CC2D2A: variants seen among roughly 807,000 people sequenced by gnomAD.
The protein encoded by CC2D2A is coiled-coil and C2 domain containing 2A.
CC2D2A carries 155 observed loss-of-function variants against 212.9 expected under a neutral mutation model. The ratio of observed to expected loss-of-function variants is 0.73; its 90% CI spans 0.64 to 0.83. The LOEUF is 0.83. Among genes scored for constraint, CC2D2A ranks in the 40% least tolerant of loss-of-function variants. The pLI is 0.00. For synonymous variants in CC2D2A, 667 were observed against 686.5 expected (o/e 0.97, Z 0.44); for missense variants, 1,856 against 1,956.2 (o/e 0.95, Z 0.97).
In CC2D2A at chr4:15,587,797, T is replaced by G; in HGVS notation, c.4066-19T>G. ...AAAGCATTGAGTCATACAACATAAT[T>G]TTTTTTTCTTTTTGTCAGCAATTTC... On this transcript the variant is annotated intron_variant, in intron 31 of 36. Coordinates refer to ENST00000424120, the MANE Select transcript of CC2D2A (RefSeq NM_001378615.1). 1 of 1,360,152 alleles carries G rather than the reference T, an allele frequency of 7.4e-7. No homozygotes were observed. Among genetic ancestry groups the G allele is most frequent in the Non-Finnish European group, 1.1e-6 (1 of 950,960 alleles). The allele number at this position is 1,360,152 out of a possible 1,614,324, so 84.3% of individuals were successfully genotyped here. A position where few individuals can be genotyped will look rare whatever the true frequency, so the allele number is the denominator to read the frequency against.
intron 32 of CC2D2A, 136 bp from the exon 33 acceptor site, chr4:15,589,409 A>G: frequency 1.2e-6 from 1 of 832,980 alleles, no homozygotes; most frequent in East Asian, 2.6e-5. Flanking sequence ...TAGAACTTCA[A>G]AGTAGTTTTC....
At chr4:15,473,268 G>A (rs527259757) in intron 1 of CC2D2A, 1 of 152,184 alleles carries the variant, frequency 6.6e-6, no homozygotes, top group African/African-American at 2.4e-5. Context: ...AAGTATGTAT[G>A]TTGAGTGGTA....
At chr4:15,496,855 A>G (rs1000767738) in intron 4 of CC2D2A, among the ~76,000 whole-genome samples, 3 of 152,212 alleles carry the variant, frequency 2.0e-5, no homozygotes, top group Non-Finnish European at 2.9e-5. Flanking sequence ...ACAGCTAACC[A>G]GGAAGGTAAA....
chr4:15,576,237 A>G (rs567743191), intron 29 of CC2D2A: 1 of 192,936 alleles, frequency 5.2e-6, no homozygotes, highest in Non-Finnish European at 9.5e-6. Flanking sequence ...CAGAACCCTT[A>G]TGTCCAAAAG....
intron 30 of CC2D2A, among the ~76,000 whole-genome samples, chr4:15,585,269 T>G (rs1354855351): frequency 6.6e-6 from 1 of 152,004 alleles, no homozygotes; most frequent in Non-Finnish European, 1.5e-5. Flanking sequence ...GATGAATGAA[T>G]AAAGAAAATG....
intron 21 of CC2D2A, among the ~76,000 whole-genome samples, chr4:15,558,719 G>C (rs186491788): frequency 5.3e-5 from 8 of 152,182 alleles, no homozygotes; most frequent in Admixed American, 5.2e-4. Context: ...TGACAGAAAA[G>C]GGGAGAGGCC....
At chr4:15,480,617 C>A in intron 3 of CC2D2A, 87 bp from the exon 4 acceptor site, 1 of 1,441,898 alleles carries the variant, frequency 6.9e-7, no homozygotes, top group Non-Finnish European at 9.3e-7. Context: ...AAGGCCTGTC[C>A]CCTCACTGGT....
In CC2D2A at chr4:15,555,190, C is replaced by A. The variant is rs772863864; in HGVS notation, c.2605C>A (p.Pro869Thr). The A allele has an allele frequency of 1.2e-6, 2 of 1,613,710 alleles. No homozygotes were observed. The highest frequency in any genetic ancestry group is 3.3e-5 in the Admixed American group (2 of 59,978). The change falls in exon 20 of 37, where the codon CCT becomes ACT. Residue 869 changes from proline to threonine, a missense_variant. Around this residue, in one of 5 missense-constraint regions of CC2D2A, gnomAD observed 1,512 missense variants for 1,579.3 expected, o/e 0.96. Transcript: ENST00000424120. The stretch of plus-strand genomic sequence containing the variant: ...CGACCCAAATGACCCCAACAATGCC[C>A]CTTTGATGCAGCTTATCTCGGTATG... ...KLDPNDPNNA[P>T]LMQLISVATS...
chr4:15,599,039 G>A (rs377450478), intron 35 of CC2D2A, among the ~76,000 whole-genome samples: 4 of 152,034 alleles, frequency 2.6e-5, no homozygotes, highest in Admixed American at 2.0e-4. Context: ...GCATGCACCT[G>A]TGGTCCCAGC....
chr4:15,593,311 A>C (rs1031688124), intron 33 of CC2D2A, among the ~76,000 whole-genome samples: 1 of 152,116 alleles, frequency 6.6e-6, no homozygotes, highest in Non-Finnish European at 1.5e-5. Context: ...CAATTTTCTG[A>C]TTTGGATTCC....
intron 1 of CC2D2A, 125 bp from the exon 2 acceptor site, chr4:15,475,790 G>A: frequency 1.3e-6 from 1 of 759,596 alleles, no homozygotes; most frequent in Non-Finnish European, 2.3e-6. Context: ...TTCCTGGTGA[G>A]TGGAAAGTCT....
chr4:15,586,300 TA>T, intron 31 of CC2D2A, 54 bp downstream of exon 31: 4 of 1,093,656 alleles, frequency 3.7e-6, no homozygotes, highest in Non-Finnish European at 5.2e-6. Flanking sequence ...AATGAAATAT[TA>T]GCTAACTGAC....
intron 29 of CC2D2A, among the ~76,000 whole-genome samples, chr4:15,578,958 A>G (rs779167772): frequency 2.0e-5 from 3 of 152,160 alleles, no homozygotes; most frequent in Non-Finnish European, 2.9e-5. Flanking sequence ...ATTAATTTTT[A>G]AAATAAAATT....
At position 15,560,121 on chromosome 4, in the gene CC2D2A, C is replaced by T. The variant is rs1246530786; in HGVS notation, c.2923-410C>T. 2.0e-5 allele frequency among the ~76,000 whole-genome samples: 3 copies of T among 152,100 alleles called. No homozygotes were observed. In the East Asian group the frequency reaches 5.8e-4, roughly 29 times the overall value. On this transcript the variant is annotated intron_variant, in intron 22 of 36. Transcript: ENST00000424120. ...TGCTGGGATTACAGGCATGAGCCAC[C>T]GCGCCCAGCCAGAGGTCCTCTGGAA...
chr4:15,574,358 A>G, intron 29 of CC2D2A, 32 bp downstream of exon 29: 1 of 1,488,760 alleles, frequency 6.7e-7, no homozygotes, highest in Non-Finnish European at 9.0e-7. Flanking sequence ...ACCCATGTCT[A>G]TGTTGATAAA....
chr4:15,489,129 C>T (rs967665260), intron 4 of CC2D2A, among the ~76,000 whole-genome samples: 2 of 152,220 alleles, frequency 1.3e-5, no homozygotes, highest in African/African-American at 2.4e-5. Flanking sequence ...ATTAAACCAA[C>T]ATTTCAGAGC....
At chr4:15,573,870 CCA>C (rs1720279018) in intron 28 of CC2D2A, among the ~76,000 whole-genome samples, 1 of 152,184 alleles carries the variant, frequency 6.6e-6, no homozygotes, top group Non-Finnish European at 1.5e-5. Context: ...CATTTGTAAA[CCA>C]AGTTTTGAAC....
chr4:15,537,764 T>A, intron 15 of CC2D2A, 135 bp from the exon 16 acceptor site: 1 of 879,398 alleles, frequency 1.1e-6, no homozygotes, highest in Non-Finnish European at 1.7e-6. Context: ...GGTGGCTTAG[T>A]GACCTGCCTG....
At chr4:15,546,349 C>G (rs577756333) in intron 17 of CC2D2A, among the ~76,000 whole-genome samples, 2 of 151,642 alleles carry the variant, frequency 1.3e-5, no homozygotes, top group Admixed American at 6.5e-5. Context: ...AACACCAAAA[C>G]AACTAACAAC....
Sources: gnomAD v4.1 joint callset for allele counts (sites outside exome capture counted in the v4.1 genomes callset) on GRCh38, gnomAD v4.1.1 for gene constraint, gnomAD v4.1.1 regional missense constraint, MANE v1.5 for transcripts, NCBI Gene and HGNC (gene_info 2026-07-23, HGNC 2026-07-21) for gene names.